TNS4: variants seen among roughly 807,000 people sequenced by gnomAD.
The protein encoded by TNS4 is tensin-4.
Under a neutral mutation model 70.4 loss-of-function variants are expected in TNS4, and 46 were observed. That is an observed-to-expected ratio of 0.65 (90% confidence interval 0.52 to 0.84). TNS4 has a LOEUF of 0.84. TNS4 is among the 40% of genes least tolerant of loss of function. The probability of loss-of-function intolerance (pLI) is 0.00; values close to 1 mark genes in which losing one functional copy is unlikely to be tolerated. For missense variants in TNS4, 863 were observed against 907.0 expected, an observed-to-expected ratio of 0.95 and a Z score of 0.62; for synonymous variants, 390 against 366.6, an observed-to-expected ratio of 1.06 and a Z score of -0.73.
chr17:40,498,123 T>C (rs1272400930), intron 1 of TNS4, among the ~76,000 whole-genome samples: 1 of 152,116 alleles, frequency 6.6e-6, no homozygotes, highest in Admixed American at 6.5e-5. Flanking sequence ...CCCCCAACTC[T>C]CTTTCTTCTC....
rs760733197 is a variant in TNS4 at position 40,479,793 on chromosome 17, T to C, written c.1791A>G (p.Gly597=). ...LSSVSVETLT[G]ALAVQKAIST... ...AGATGGCTTTCTGCACGGCCAGGGC[T>C]CCAGTCAGGGTCTCCACGCTCACTG... The change falls in exon 10 of 13, where the codon GGA becomes GGG. Residue 597 remains glycine (G), a synonymous_variant. Coordinates refer to ENST00000254051, the MANE Select transcript of TNS4 (RefSeq NM_032865.6). The C allele has an allele frequency of 6.2e-7, 1 of 1,613,856 alleles. No individual in the cohort carries two copies. Among genetic ancestry groups the C allele is most frequent in the Non-Finnish European group, 8.5e-7 (1 of 1,179,964 alleles).
chr17:40,479,700 G>T lies in TNS4; in HGVS notation c.1884C>A (p.Gly628=), dbSNP rs1359414141. The T allele has an allele frequency of 6.2e-7, 1 of 1,614,046 alleles. No homozygotes were observed. Among genetic ancestry groups the T allele is most frequent in the Non-Finnish European group, 8.5e-7 (1 of 1,179,982 alleles). The change falls in exon 10 of 13, where the codon GGC becomes GGA. Residue 628 remains glycine, a synonymous_variant. Transcript: ENST00000254051. ...TVVHFKVTEQ[G]ITLTDVQRKV... ...TCCTCTGGACATCAGTCAGAGTGATGCCCTGCTCTGTGACTTTGAAGTGGA... is the reference window on the plus strand; with the variant it reads ...TCCTCTGGACATCAGTCAGAGTGATTCCCTGCTCTGTGACTTTGAAGTGGA...
rs2036023745 is a variant in TNS4, at chr17:40,488,630, A to T, written c.779T>A (p.Leu260Gln). 3 of 1,527,656 alleles carry T rather than the reference A, an allele frequency of 2.0e-6. No homozygotes were observed. Among genetic ancestry groups the T allele is most frequent in the Non-Finnish European group, 1.8e-6 (2 of 1,137,916 alleles). 94.6% of individuals were successfully genotyped at this position (1,527,656 alleles called of 1,614,324 possible). A position where few individuals can be genotyped will look rare whatever the true frequency, so the allele number is the denominator to read the frequency against. Residue 260 changes from leucine to glutamine, a missense_variant, in exon 3 of 13, where the codon CTG (leucine) becomes CAG (glutamine). Leu to Gln is a moderately radical substitution (Grantham distance 113). Transcript: ENST00000254051. ...LVASPRLEKR[L>Q]GGLAPQRGSR... ...GCCCCGCTGTGGGGCCAGGCCTCCC[A>T]GCCGCTTCTCCAGTCTTGGAGAAGC... is the stretch of plus-strand genomic sequence containing the variant.
chr17:40,499,655 C>T (rs2036188323), intron 1 of TNS4, among the ~76,000 whole-genome samples: 1 of 152,218 alleles, frequency 6.6e-6, no homozygotes, highest in African/African-American at 2.4e-5. Context: ...GCATCCCGGG[C>T]ACGGGAAGCT....
At position 40,478,593 on chromosome 17, in the gene TNS4, G is replaced by T; in HGVS notation, c.1966C>A (p.Pro656Thr). Reference protein sequence around the residue: ...LTTLRFCGMDPEQRKWQKYCK... With the variant: ...LTTLRFCGMDTEQRKWQKYCK... ...CCTTGAACTTACTTCCGTTGCTCAG[G>T]GTCCATACCACAGAAGCGGAGGGTG... The change falls in exon 11 of 13, where the codon CCT (proline) becomes ACT (threonine). Residue 656 changes from proline to threonine, a missense_variant. Pro to Thr is a conservative substitution (Grantham distance 38). Coordinates refer to ENST00000254051, the MANE Select transcript of TNS4 (RefSeq NM_032865.6). 1.2e-6 allele frequency: 2 copies of T among 1,614,172 alleles called. No homozygotes were observed. Among genetic ancestry groups the T allele is most frequent in the Non-Finnish European group, 1.7e-6 (2 of 1,180,012 alleles).
rs769095784 is a variant in TNS4, at chr17:40,478,634, C to G, written c.1925G>C (p.Arg642Pro). The G allele has an allele frequency of 6.2e-7, 1 of 1,614,084 alleles. No individual in the cohort carries two copies. The highest frequency in any genetic ancestry group is 1.1e-5 in the South Asian group (1 of 91,078). The change falls in exon 11 of 13, where the codon CGC becomes CCC. Residue 642 changes from arginine to proline, a missense_variant. Physicochemically the swap from Arg to Pro is moderately radical, Grantham distance 103. Coordinates refer to ENST00000254051, the MANE Select transcript of TNS4 (RefSeq NM_032865.6). ...TDVQRKVFFR[R>P]HYPLTTLRFC... Reference sequence around the variant, plus strand: ...GCGGAGGGTGGTGAGTGGGTAATGGCGCCGGAAAAACACCCTAGGAGGAGG... The same window carrying G: ...GCGGAGGGTGGTGAGTGGGTAATGGGGCCGGAAAAACACCCTAGGAGGAGG...
At chr17:40,478,061 G>A in intron 12 of TNS4, 1 of 615,250 alleles carries the variant, frequency 1.6e-6, no homozygotes, top group Non-Finnish European at 2.8e-6. Context: ...CCAATAGCTT[G>A]AGGCTCCCTG....
Position 40,479,833 on chromosome 17 carries a change from G to A in TNS4, c.1751C>T (p.Thr584Ile). ...CACGCTCACTGAGCTCAGGTACAGG[G>A]TGTGGCAGCCTGTGGGAGGCAGACA... is the stretch of plus-strand genomic sequence containing the variant. ...SCQKKSAGCH[T>I]LYLSSVSVET... The change falls in exon 10 of 13, where the codon ACC becomes ATC. Residue 584 changes from threonine (T) to isoleucine (I), a missense_variant. Thr to Ile is a moderately conservative substitution (Grantham distance 89). Coordinates refer to ENST00000254051, the MANE Select transcript of TNS4 (RefSeq NM_032865.6). 6.2e-7 allele frequency: 1 copy of A among 1,611,606 alleles called. No homozygotes were observed. The highest frequency in any genetic ancestry group is 8.5e-7 in the Non-Finnish European group (1 of 1,179,086).
chr17:40,483,206 T>A (rs1334497063), intron 6 of TNS4, among the ~76,000 whole-genome samples: 1 of 151,968 alleles, frequency 6.6e-6, no homozygotes, highest in Admixed American at 6.6e-5. Context: ...GCCTAGGGAT[T>A]ATTTTATTTT....
rs557940892 is a variant in TNS4, at chr17:40,495,688, A to G, written c.439+299T>C. Among the ~76,000 whole-genome samples, 21 of 152,260 alleles carry G rather than the reference A, an allele frequency of 1.4e-4. No individual in the cohort carries two copies. In the East Asian group the frequency reaches 4.0e-3, roughly 29 times the overall value. The stretch of plus-strand genomic sequence containing the variant: ...ATCCACATTTATTGAGCTCTTCTTT[A>G]TGGGCACGGCACTGCACAAAACACT... On this transcript the variant is annotated intron_variant, in intron 2 of 12. Transcript: ENST00000254051.
intron 3 of TNS4, among the ~76,000 whole-genome samples, chr17:40,487,797 C>T (rs2036011844): frequency 6.6e-6 from 1 of 152,228 alleles, no homozygotes; most frequent in South Asian, 2.1e-4. Flanking sequence ...CCCTTCAGGC[C>T]CCCATGACTC....
chr17:40,479,074 C>G (rs1199530549), intron 10 of TNS4, among the ~76,000 whole-genome samples: 1 of 152,120 alleles, frequency 6.6e-6, no homozygotes, highest in South Asian at 2.1e-4. Context: ...CCAGTCTGGC[C>G]GAGGGAAGAT....
intron 4 of TNS4, among the ~76,000 whole-genome samples, chr17:40,486,813 A>C (rs1339600380): frequency 2.0e-5 from 3 of 152,038 alleles, no homozygotes; most frequent in Non-Finnish European, 4.4e-5. Context: ...GGCCAATATG[A>C]TTGAGAATAT....
intron 8 of TNS4, among the ~76,000 whole-genome samples, chr17:40,481,359 CTCTT>C (rs936560473): frequency 4.6e-5 from 7 of 151,926 alleles, no homozygotes; most frequent in African/African-American, 9.7e-5. Flanking sequence ...CTCTCTTTCT[CTCTT>C]TCTTTCTTTC....
At chr17:40,497,403 A>T (rs2036159313) in intron 1 of TNS4, among the ~76,000 whole-genome samples, 1 of 152,202 alleles carries the variant, frequency 6.6e-6, no homozygotes, top group Admixed American at 6.5e-5. Flanking sequence ...CAGGAGTTCG[A>T]GACCAGCCTG....
chr17:40,477,472 T>A lies in TNS4; in HGVS notation c.*116A>T. 1 of 1,409,798 alleles carries A rather than the reference T, an allele frequency of 7.1e-7. No individual in the cohort carries two copies. The highest frequency in any genetic ancestry group is 2.0e-5 in the Admixed American group (1 of 49,874). 87.3% of individuals were successfully genotyped at this position (1,409,798 alleles called of 1,614,324 possible). On this transcript the variant is annotated 3_prime_UTR_variant, in exon 13 of 13. Transcript: ENST00000254051. Reference sequence around the variant, plus strand: ...GGTGTCAACTTGATGCCAATCCCCCTAGTCCCATAGATTGGTCTGTCAATA... The same window carrying A: ...GGTGTCAACTTGATGCCAATCCCCCAAGTCCCATAGATTGGTCTGTCAATA...
intron 5 of TNS4, 139 bp from the exon 6 acceptor site, chr17:40,484,748 C>T: frequency 7.0e-7 from 1 of 1,434,434 alleles, no homozygotes; most frequent in Non-Finnish European, 9.5e-7. Flanking sequence ...AAATCTCCAC[C>T]ATTCTTGCTG....
rs1368580739 is a variant in TNS4 at position 40,478,588 on chromosome 17, C to A, written c.1971G>T (p.Glu657Asp). Residue 657 changes from glutamate to aspartate, a missense_variant, in exon 11 of 13, where the codon GAG (glutamate) becomes GAT (aspartate). Coordinates refer to ENST00000254051, the MANE Select transcript of TNS4 (RefSeq NM_032865.6). The stretch of plus-strand genomic sequence containing the variant: ...CCCAGCCTTGAACTTACTTCCGTTG[C>A]TCAGGGTCCATACCACAGAAGCGGA... The part of the protein sequence containing the change: ...TTLRFCGMDP[E>D]QRKWQKYCKP... 6.2e-7 allele frequency: 1 copy of A among 1,614,156 alleles called. No individual in the cohort carries two copies.
chr17:40,487,528 G>A (rs3764423), intron 3 of TNS4, 68 bp from the exon 4 acceptor site: 230,010 of 1,506,960 alleles, frequency 0.15, 20,438 homozygotes, highest in East Asian at 0.42. Context: ...GTCAGGCTCC[G>A]GATCTGGTGA....
Sources: gnomAD v4.1 joint callset for allele counts (sites outside exome capture counted in the v4.1 genomes callset) on GRCh38, gnomAD v4.1.1 for gene constraint, MANE v1.5 for transcripts, NCBI Gene and HGNC (gene_info 2026-07-23, HGNC 2026-07-21) for gene names.